RYR2: variants seen among roughly 807,000 people sequenced by gnomAD.
RYR2 encodes the protein cardiac muscle ryanodine receptor-calcium release channel.
In RYR2, 227 loss-of-function variants were observed where a neutral mutation model predicts 601.1. The observed-to-expected ratio is 0.38, with a 90% CI of 0.34 to 0.42. The LOEUF (loss-of-function observed/expected upper bound fraction) is 0.42, where lower values mean the gene tolerates loss of function less well. RYR2 is among the 10% of genes least tolerant of loss of function. The pLI is 1.00. For synonymous variants in RYR2, 2,223 were observed against 2,175.1 expected, an observed-to-expected ratio of 1.02 and a Z score of -0.61; for missense variants, 4,646 against 6,156.5, an observed-to-expected ratio of 0.75 and a Z score of 8.21.
chr1:237,683,393 C>G (rs577980395), intron 62 of RYR2, among the ~76,000 whole-genome samples: 2 of 152,040 alleles, frequency 1.3e-5, no homozygotes, highest in Non-Finnish European at 2.9e-5. Flanking sequence ...TAGCTAAATA[C>G]GTGAATATGA....
chr1:237,373,719 G>T (rs1219470608), intron 6 of RYR2, among the ~76,000 whole-genome samples: 1 of 152,202 alleles, frequency 6.6e-6, no homozygotes, highest in Admixed American at 6.5e-5. Context: ...ATAAGGAGAT[G>T]ATGGTGTTGC....
At chr1:237,619,756 C>G (rs1678878601) in intron 38 of RYR2, among the ~76,000 whole-genome samples, 1 of 151,976 alleles carries the variant, frequency 6.6e-6, no homozygotes, top group African/African-American at 2.4e-5. Context: ...TGAGTGACAG[C>G]AGATTTCTCA....
At chr1:237,449,938 A>G (rs916354827) in intron 14 of RYR2, among the ~76,000 whole-genome samples, 2 of 152,222 alleles carry the variant, frequency 1.3e-5, no homozygotes, top group East Asian at 3.9e-4. Flanking sequence ...TAAGTTACCT[A>G]GGAAGAGTTT....
In RYR2 at chr1:237,623,708, GA is replaced by G. The variant is rs981965490; in HGVS notation, c.5917-55del. 4.2e-6 allele frequency: 5 copies of G among 1,188,648 alleles called. No individual in the cohort carries two copies. The African/African-American group carries it at 7.5e-5, about 18-fold the overall frequency. 73.6% of individuals were successfully genotyped at this position (1,188,648 alleles called of 1,614,324 possible). A position where few individuals can be genotyped will look rare whatever the true frequency, so the allele number is the denominator to read the frequency against. ...CGCCCGGCCCTGCTGTGCCATTCTT[GA>G]ATTCACCTTTCTTTTCTTCCTCCTT... On this transcript the variant is annotated intron_variant, in intron 38 of 104. Coordinates refer to ENST00000366574, the MANE Select transcript of RYR2 (RefSeq NM_001035.3).
chr1:237,322,819 C>A (rs1212090343), intron 2 of RYR2, among the ~76,000 whole-genome samples: 5 of 139,154 alleles, frequency 3.6e-5, no homozygotes, highest in Non-Finnish European at 7.5e-5. Flanking sequence ...TAAACACACA[C>A]ACGTGTGTGT....
intron 1 of RYR2, among the ~76,000 whole-genome samples, chr1:237,163,274 A>C (rs1244725491): frequency 6.6e-6 from 1 of 152,020 alleles, no homozygotes; most frequent in Non-Finnish European, 1.5e-5. Context: ...GCCATACCAC[A>C]TTCCCATCAA....
In RYR2 at chr1:237,648,611, A is replaced by G. The variant is rs1480448087; in HGVS notation, c.7510A>G (p.Thr2504Ala). Residue 2504 changes from threonine to alanine, a missense_variant and splice_region_variant, in exon 49 of 105, where the codon ACG (threonine) becomes GCG (alanine). Coordinates refer to ENST00000366574, the MANE Select transcript of RYR2 (RefSeq NM_001035.3). ...TCTCCGGGCGGCTGCTTCTTTAGATACGGTGAGATTGGAGCGATGGACTTC... is the reference window on the plus strand; with the variant it reads ...TCTCCGGGCGGCTGCTTCTTTAGATGCGGTGAGATTGGAGCGATGGACTTC... Reference protein sequence around the residue: ...PDLRAAASLDTAALSATDMAL... With the variant: ...PDLRAAASLDAAALSATDMAL... 1 of 1,608,046 alleles carries G rather than the reference A, an allele frequency of 6.2e-7. No homozygotes were observed. The highest frequency in any genetic ancestry group is 8.5e-7 in the Non-Finnish European group (1 of 1,176,790).
At chr1:237,292,167 T>C (rs1692294513) in intron 2 of RYR2, among the ~76,000 whole-genome samples, 1 of 152,128 alleles carries the variant, frequency 6.6e-6, no homozygotes, top group Non-Finnish European at 1.5e-5. Context: ...ATTGATAAAG[T>C]ATAGTGGATT....
chr1:237,317,050 GGCTGATGATTGT>G, intron 2 of RYR2, among the ~76,000 whole-genome samples: 1 of 152,284 alleles, frequency 6.6e-6, no homozygotes, highest in Non-Finnish European at 1.5e-5. Context: ...CTCCACAAAA[GGCTGATGATTGT>G]GCTTCAAAGT....
intron 12 of RYR2, among the ~76,000 whole-genome samples, chr1:237,423,737 A>G (rs1705826625): frequency 1.3e-5 from 2 of 152,198 alleles, no homozygotes; most frequent in Non-Finnish European, 2.9e-5. Flanking sequence ...CTGTGTCTCA[A>G]AGATACATTT....
intron 97 of RYR2, among the ~76,000 whole-genome samples, chr1:237,800,757 ATATACGTGTTTG>A (rs1469022275): frequency 2.0e-5 from 3 of 152,212 alleles, no homozygotes; most frequent in Admixed American, 2.0e-4. Flanking sequence ...ATATATTTTA[ATATACGTGTTTG>A]TAATCTGCAA....
chr1:237,709,626 C>A, intron 70 of RYR2, 59 bp downstream of exon 70: 1 of 1,029,212 alleles, frequency 9.7e-7, no homozygotes, highest in Non-Finnish European at 1.5e-6. Flanking sequence ...GCTTACTTGC[C>A]TCCTAGGTTT....
At chr1:237,324,095 G>C (rs1695911243) in intron 2 of RYR2, among the ~76,000 whole-genome samples, 1 of 152,046 alleles carries the variant, frequency 6.6e-6, no homozygotes, top group African/African-American at 2.4e-5. Flanking sequence ...TTATGATTGG[G>C]GTTTTGAAGC....
intron 10 of RYR2, among the ~76,000 whole-genome samples, chr1:237,394,392 C>G (rs1012073496): frequency 2.6e-5 from 4 of 152,170 alleles, no homozygotes; most frequent in Non-Finnish European, 4.4e-5. Flanking sequence ...TGTGCAGCAA[C>G]TTGAATAGAG....
chr1:237,742,155 G>A (rs1320960827), intron 79 of RYR2, 141 bp from the exon 80 acceptor site: 3 of 628,468 alleles, frequency 4.8e-6, no homozygotes, highest in African/African-American at 3.7e-5. Flanking sequence ...TGTCATCTAA[G>A]CATTCTATCT....
chr1:237,561,157 G>C (rs1196507225), intron 27 of RYR2, among the ~76,000 whole-genome samples: 1 of 152,126 alleles, frequency 6.6e-6, no homozygotes, highest in Non-Finnish European at 1.5e-5. Context: ...CACAATCTCT[G>C]TATTTTAAGA....
chr1:237,286,334 G>T (rs193211381), intron 2 of RYR2, among the ~76,000 whole-genome samples: 1 of 151,802 alleles, frequency 6.6e-6, no homozygotes, highest in Non-Finnish European at 1.5e-5. Flanking sequence ...GGTTTTGAAG[G>T]TTCCTTTTGG....
chr1:237,122,007 G>T (rs992066588), intron 1 of RYR2, among the ~76,000 whole-genome samples: 4 of 152,154 alleles, frequency 2.6e-5, no homozygotes, highest in Admixed American at 2.0e-4. Context: ...GAGAGTAGAG[G>T]TCACCCTTGA....
rs117008348 is a variant in RYR2 at position 237,475,899 on chromosome 1, C to A, written c.1708+6712C>A. Among the ~76,000 whole-genome samples the A allele has an allele frequency of 2.1e-5, 3 of 141,590 alleles. No individual in the cohort carries two copies. The East Asian group carries it at 6.9e-4, about 32-fold the overall frequency. The allele number at this position is 141,590 out of a possible 152,430, so 92.9% of individuals were successfully genotyped here. On this transcript the variant is annotated intron_variant, in intron 17 of 104. Coordinates refer to ENST00000366574, the MANE Select transcript of RYR2 (RefSeq NM_001035.3). ...CTTCAAGTGTGTCTAGTGATTATGT[C>A]GCTGGGCCAAAGTTAATTGAAAAGA...
Sources: allele counts gnomAD v4.1 joint callset (sites outside exome capture counted in the v4.1 genomes callset), GRCh38; gene constraint gnomAD v4.1.1; transcripts MANE v1.5; gene names NCBI Gene and HGNC (gene_info 2026-07-23, HGNC 2026-07-21).